Variants in LAMA3 observed in about 807,000 individuals in gnomAD.
LAMA3 encodes laminin subunit alpha 3.
In LAMA3, 281 loss-of-function variants were observed where a neutral mutation model predicts 402.0. The ratio of observed to expected loss-of-function variants is 0.70; its 90% CI spans 0.63 to 0.77. The LOEUF (loss-of-function observed/expected upper bound fraction) is 0.77, where lower values mean the gene tolerates loss of function less well. Among genes scored for constraint, LAMA3 ranks in the 30% least tolerant of loss-of-function variants. The pLI is 0.00. For synonymous variants in LAMA3, 1,431 were observed against 1,558.4 expected (o/e 0.92, Z 1.93); for missense variants, 3,840 against 4,215.5 (o/e 0.91, Z 2.47).
chr18:23,748,420 CAA>C (rs749355061), intron 3 of LAMA3, among the ~76,000 whole-genome samples: 39 of 88,216 alleles, frequency 4.4e-4, no homozygotes, highest in African/African-American at 4.3e-4. Flanking sequence ...GACTCTGTCT[CAA>C]AAAAAAAAAA....
intron 16 of LAMA3, 89 bp from the exon 17 acceptor site, chr18:23,815,379 C>T (rs1017555668): frequency 4.4e-6 from 6 of 1,370,892 alleles, no homozygotes; most frequent in Non-Finnish European, 6.3e-6. Context: ...ACACTGCTTC[C>T]TATTATACAG....
chr18:23,925,419 G>C (rs1005325982), intron 62 of LAMA3, among the ~76,000 whole-genome samples: 3 of 151,374 alleles, frequency 2.0e-5, no homozygotes, highest in African/African-American at 7.3e-5. Context: ...ACACCAACAA[G>C]GGCATTTTTC....
intron 33 of LAMA3, among the ~76,000 whole-genome samples, chr18:23,858,328 T>C (rs561581722): frequency 2.6e-5 from 4 of 152,254 alleles, no homozygotes; most frequent in African/African-American, 9.6e-5. Flanking sequence ...TCATCTCTGC[T>C]CCAAGGGGTT....
At chr18:23,916,256 T>C (rs2145262895) in intron 59 of LAMA3, among the ~76,000 whole-genome samples, 1 of 152,228 alleles carries the variant, frequency 6.6e-6, no homozygotes, top group East Asian at 1.9e-4. Flanking sequence ...ATCTCTTACA[T>C]TTCAAAATCT....
rs545386166 is a variant in LAMA3 at position 23,707,857 on chromosome 18, G to A, written c.295-6063G>A. ...CACCTCCCAGGCTCAAGCAATTCCC[G>A]TGTCTCAGTTACAGGCATGTGCCAC... On this transcript the variant is annotated intron_variant, in intron 1 of 74. Coordinates refer to ENST00000313654, the MANE Select transcript of LAMA3 (RefSeq NM_198129.4). 1.5e-4 allele frequency among the ~76,000 whole-genome samples: 23 copies of A among 151,654 alleles called. No individual in the cohort carries two copies. The East Asian group carries it at 2.7e-3, about 18-fold the overall frequency.
intron 12 of LAMA3, among the ~76,000 whole-genome samples, chr18:23,786,501 C>G (rs2062547592): frequency 6.6e-6 from 1 of 152,188 alleles, no homozygotes; most frequent in African/African-American, 2.4e-5. Context: ...CAACCCTACC[C>G]AAGCTGGCTC....
At chr18:23,827,219 C>G in intron 22 of LAMA3, 95 bp from the exon 23 acceptor site, 1 of 1,279,780 alleles carries the variant, frequency 7.8e-7, no homozygotes, top group Non-Finnish European at 1.1e-6. Context: ...AATGAGTGAA[C>G]TGAATGACTG....
chr18:23,834,057 CT>C, intron 24 of LAMA3, 69 bp downstream of exon 24: 1 of 1,562,270 alleles, frequency 6.4e-7, no homozygotes, highest in Non-Finnish European at 8.8e-7. Context: ...GGAACTTTGG[CT>C]GTTACTTGCA....
Position 23,954,894 on chromosome 18 carries a change from A to C in LAMA3, c.*246A>C. 1 of 487,082 alleles carries C rather than the reference A, an allele frequency of 2.1e-6. No homozygotes were observed. The highest frequency in any genetic ancestry group is 3.7e-6 in the Non-Finnish European group (1 of 271,916). The allele number at this position is 487,082 out of a possible 1,614,324, so 30.2% of individuals were successfully genotyped here. A position where few individuals can be genotyped will look rare whatever the true frequency, so the allele number is the denominator to read the frequency against. On this transcript the variant is annotated 3_prime_UTR_variant, in exon 75 of 75. Coordinates refer to ENST00000313654, the MANE Select transcript of LAMA3 (RefSeq NM_198129.4). The stretch of plus-strand genomic sequence containing the variant: ...TGTTATTCAAATTGTTATGCACAGA[A>C]TGTTTTTGGTAATATTAATTTCCAC...
chr18:23,950,936 G>A (rs1001137920), intron 72 of LAMA3, among the ~76,000 whole-genome samples: 3 of 152,058 alleles, frequency 2.0e-5, no homozygotes. Context: ...TCTCTGGGAG[G>A]GAATTATTCT....
intron 12 of LAMA3, among the ~76,000 whole-genome samples, chr18:23,805,695 T>C (rs2062949699): frequency 6.6e-6 from 1 of 152,198 alleles, no homozygotes. Flanking sequence ...ACATTTTGGG[T>C]CTTCTAGAAT....
At chr18:23,836,816 G>C (rs554296855) in intron 24 of LAMA3, among the ~76,000 whole-genome samples, 165 bp from the exon 25 acceptor site, 1 of 152,326 alleles carries the variant, frequency 6.6e-6, no homozygotes, top group Admixed American at 6.5e-5. Context: ...TCCCCATAGA[G>C]ACTGCGAGCT....
chr18:23,774,765 G>A (rs1412803900), intron 9 of LAMA3, among the ~76,000 whole-genome samples: 1 of 152,184 alleles, frequency 6.6e-6, no homozygotes, highest in African/African-American at 2.4e-5. Context: ...TTAAAGTCCA[G>A]GGAATATGTA....
At chr18:23,838,220 G>C (rs971119268) in intron 25 of LAMA3, among the ~76,000 whole-genome samples, 5 of 152,156 alleles carry the variant, frequency 3.3e-5, no homozygotes, top group Admixed American at 6.5e-5. Flanking sequence ...ATACAGTTTT[G>C]ATTTAAAATG....
At chr18:23,769,863 C>T (rs2062157871) in intron 8 of LAMA3, among the ~76,000 whole-genome samples, 1 of 152,150 alleles carries the variant, frequency 6.6e-6, no homozygotes, top group Admixed American at 6.5e-5. Context: ...ATATTGTTCA[C>T]AAGTACTTAC....
intron 1 of LAMA3, among the ~76,000 whole-genome samples, chr18:23,693,818 C>A (rs2060636788): frequency 6.6e-6 from 1 of 151,962 alleles, no homozygotes; most frequent in Admixed American, 6.6e-5. Context: ...TTTATGAAAC[C>A]TTTGTTAACT....
In LAMA3 at chr18:23,904,608, ACCG is replaced by A. The variant is rs1555732875; in HGVS notation, c.6532_6534del (p.Ala2178del). ...GGTGCGCTGTGCTGTGGATGCCGCC[ACCG>A]CCTACGAGAACATCCTCAATGCCAT... is the stretch of plus-strand genomic sequence containing the variant. On this transcript the variant is annotated inframe_deletion, in exon 51 of 75. Coordinates refer to ENST00000313654, the MANE Select transcript of LAMA3 (RefSeq NM_198129.4). 2 of 1,612,908 alleles carry A rather than the reference ACCG, an allele frequency of 1.2e-6. No individual in the cohort carries two copies. Among genetic ancestry groups the A allele is most frequent in the African/African-American group, 2.7e-5 (2 of 74,884 alleles).
chr18:23,803,767 C>T (rs2062910048), intron 12 of LAMA3, among the ~76,000 whole-genome samples: 1 of 152,218 alleles, frequency 6.6e-6, no homozygotes, highest in African/African-American at 2.4e-5. Context: ...CACAAATGTG[C>T]TGCAGCTGTC....
intron 10 of LAMA3, among the ~76,000 whole-genome samples, chr18:23,777,135 C>T (rs960800357): frequency 2.6e-4 from 39 of 151,848 alleles, no homozygotes; most frequent in Admixed American, 7.2e-4. Flanking sequence ...CCACTGCGCT[C>T]GGCCTGCCTT....
Sources: gnomAD v4.1 joint callset for allele counts (sites outside exome capture counted in the v4.1 genomes callset) on GRCh38, gnomAD v4.1.1 for gene constraint, MANE v1.5 for transcripts, NCBI Gene and HGNC (gene_info 2026-07-23, HGNC 2026-07-21) for gene names.